Variants in GRM1 observed in about 807,000 individuals in gnomAD.
GRM1 encodes metabotropic glutamate receptor 1.
Under a neutral mutation model 90.9 loss-of-function variants are expected in GRM1, and 33 were observed. The ratio of observed to expected loss-of-function variants is 0.36; its 90% CI spans 0.28 to 0.49. GRM1 has a LOEUF of 0.49. GRM1 is among the 20% of genes least tolerant of loss of function. The pLI is 0.99. For synonymous variants in GRM1, 700 were observed against 613.2 expected (o/e 1.14, Z -2.09); for missense variants, 1,190 against 1,534.3 (o/e 0.78, Z 3.75).
In GRM1 at chr6:146,352,350, T is replaced by C. The variant is rs928564910; in HGVS notation, c.1287T>C (p.His429=). ...CACATGGGCTGCAGAACATGCACCATGCCCTCTGCCCTGGCCACGTGGGCC... is the reference window on the plus strand; with the variant it reads ...CACATGGGCTGCAGAACATGCACCACGCCCTCTGCCCTGGCCACGTGGGCC... ...AMAHGLQNMH[H]ALCPGHVGLC... is the part of the protein sequence containing the mutation. The change falls in exon 4 of 8, where the codon CAT becomes CAC. Residue 429 remains histidine, a synonymous_variant. Coordinates refer to ENST00000282753, the MANE Select transcript of GRM1 (RefSeq NM_001278064.2). The C allele has an allele frequency of 4.3e-6, 7 of 1,614,156 alleles. No homozygotes were observed. Among genetic ancestry groups the C allele is most frequent in the Non-Finnish European group, 5.9e-6 (7 of 1,179,984 alleles).
At chr6:146,166,788 C>T (rs1417305371) in intron 2 of GRM1, among the ~76,000 whole-genome samples, 5 of 152,088 alleles carry the variant, frequency 3.3e-5, no homozygotes, top group Non-Finnish European at 7.4e-5. Flanking sequence ...AAGTTAGACT[C>T]TCTCCATAAC....
At chr6:146,109,987 A>G in intron 1 of GRM1, among the ~76,000 whole-genome samples, 1 of 152,212 alleles carries the variant, frequency 6.6e-6, no homozygotes, top group East Asian at 1.9e-4. Flanking sequence ...CATTGTATCT[A>G]GGAAGTAGCT....
intron 5 of GRM1, among the ~76,000 whole-genome samples, chr6:146,369,323 T>C (rs1775812985): frequency 6.6e-6 from 1 of 151,970 alleles, no homozygotes; most frequent in Non-Finnish European, 1.5e-5. Flanking sequence ...GTTTCATATT[T>C]CTACTTTGAT....
At chr6:146,219,399 A>G (rs1027731502) in intron 2 of GRM1, among the ~76,000 whole-genome samples, 8 of 152,154 alleles carry the variant, frequency 5.3e-5, no homozygotes, top group Admixed American at 3.9e-4. Context: ...TGTAAGGAAG[A>G]GAGTAGCGCT....
At chr6:146,385,717 G>T (rs979259733) in intron 5 of GRM1, among the ~76,000 whole-genome samples, 1 of 151,778 alleles carries the variant, frequency 6.6e-6, no homozygotes. Flanking sequence ...ACTGTTTAAA[G>T]CAAAAATAAT....
At chr6:146,357,763 A>T in intron 5 of GRM1, 69 bp downstream of exon 5, 1 of 1,198,358 alleles carries the variant, frequency 8.3e-7, no homozygotes. Flanking sequence ...AGTAAAGAAC[A>T]ACACAGACAA....
intron 2 of GRM1, among the ~76,000 whole-genome samples, chr6:146,294,221 A>T (rs1458501360): frequency 6.6e-6 from 1 of 151,854 alleles, no homozygotes; most frequent in Non-Finnish European, 1.5e-5. Context: ...ATTTCTGGGA[A>T]TAAATTTCCT....
At chr6:146,278,962 C>T (rs1314175315) in intron 2 of GRM1, among the ~76,000 whole-genome samples, 1 of 152,136 alleles carries the variant, frequency 6.6e-6, no homozygotes, top group African/African-American at 2.4e-5. Flanking sequence ...GCCTCGGCCT[C>T]CTAAAGTGTT....
rs544956821 is a variant in GRM1, at chr6:146,426,105, C to A, written c.2661-7767C>A. ...AAGAGATAAATATATGAAGTGACAG[C>A]AATGCATTCATTATGCCATAATATG... is the stretch of plus-strand genomic sequence containing the variant. On this transcript the variant is annotated intron_variant, in intron 7 of 7. Transcript: ENST00000282753. 3.9e-5 allele frequency among the ~76,000 whole-genome samples: 6 copies of A among 152,318 alleles called. No individual in the cohort carries two copies. In the South Asian group the frequency reaches 1.2e-3, roughly 32 times the overall value.
At chr6:146,271,591 T>C (rs1381306666) in intron 2 of GRM1, among the ~76,000 whole-genome samples, 1 of 152,194 alleles carries the variant, frequency 6.6e-6, no homozygotes, top group Non-Finnish European at 1.5e-5. Context: ...CAACTCGAGT[T>C]CTAAGTCTTT....
chr6:146,402,850 G>T (rs141083222), intron 7 of GRM1, among the ~76,000 whole-genome samples: 116 of 152,226 alleles, frequency 7.6e-4, no homozygotes, highest in African/African-American at 2.7e-3. Context: ...ACAACCAAAG[G>T]TTTGGACACT....
intron 1 of GRM1, among the ~76,000 whole-genome samples, chr6:146,100,490 C>T (rs1025308636): frequency 1.3e-5 from 2 of 152,092 alleles, no homozygotes; most frequent in Non-Finnish European, 2.9e-5. Context: ...ATTACAGTTC[C>T]AAAGATTAAA....
chr6:146,418,340 G>A (rs1562686281), intron 7 of GRM1, among the ~76,000 whole-genome samples: 1 of 151,484 alleles, frequency 6.6e-6, no homozygotes. Flanking sequence ...ATTAGGTCAT[G>A]ATAAATTTAT....
intron 1 of GRM1, among the ~76,000 whole-genome samples, chr6:146,125,751 G>GT (rs926111288): frequency 5.9e-5 from 9 of 151,508 alleles, no homozygotes; most frequent in Admixed American, 3.3e-4. Context: ...GCTTGCATGT[G>GT]TTTTTTTTCT....
intron 3 of GRM1, among the ~76,000 whole-genome samples, chr6:146,315,745 A>G (rs902468648): frequency 5.9e-5 from 9 of 152,194 alleles, no homozygotes; most frequent in Non-Finnish European, 1.2e-4. Context: ...ATTCAGAACC[A>G]TCTGTCACTG....
At chr6:146,196,311 G>A (rs1274383139) in intron 2 of GRM1, among the ~76,000 whole-genome samples, 6 of 136,830 alleles carry the variant, frequency 4.4e-5, no homozygotes, top group African/African-American at 6.2e-5. Context: ...TTTTTTTGAC[G>A]GAGTCGCTCT....
Position 146,434,712 on chromosome 6 carries a change from C to G in GRM1, c.3501C>G (p.Ser1167=). The change falls in exon 8 of 8, where the codon TCC becomes TCG. Residue 1167 remains serine (S), a synonymous_variant. Coordinates refer to ENST00000282753, the MANE Select transcript of GRM1 (RefSeq NM_001278064.2). ...SGSSVPSSPV[S]ESVLCTPPNV... is the part of the protein sequence containing the mutation. ...GCTCGGTGCCCAGCTCCCCCGTGTC[C>G]GAGTCGGTGCTCTGCACCCCTCCCA... 3.1e-6 allele frequency: 5 copies of G among 1,602,396 alleles called. No individual in the cohort carries two copies. Among genetic ancestry groups the G allele is most frequent in the Non-Finnish European group, 4.2e-6 (5 of 1,179,936 alleles).
intron 2 of GRM1, among the ~76,000 whole-genome samples, chr6:146,292,461 G>A (rs535775529): frequency 1.1e-4 from 16 of 151,752 alleles, no homozygotes; most frequent in African/African-American, 2.7e-4. Flanking sequence ...AATAGATGAA[G>A]GCCACAAATA....
At chr6:146,114,445 A>G (rs1166389007) in intron 1 of GRM1, among the ~76,000 whole-genome samples, 1 of 152,198 alleles carries the variant, frequency 6.6e-6, no homozygotes, top group African/African-American at 2.4e-5. Context: ...GGAGAAAACT[A>G]TAAGCATGAA....
Sources: allele counts gnomAD v4.1 joint callset (sites outside exome capture counted in the v4.1 genomes callset), GRCh38; gene constraint gnomAD v4.1.1; transcripts MANE v1.5; gene names NCBI Gene and HGNC (gene_info 2026-07-23, HGNC 2026-07-21).